Variants in BTC observed in about 807,000 individuals in gnomAD.
BTC encodes betacellulin, also known as probetacellulin.
Under a neutral mutation model 18.1 loss-of-function variants are expected in BTC, and 13 were observed. The observed-to-expected ratio is 0.72, with a 90% CI of 0.47 to 1.14. The LOEUF (loss-of-function observed/expected upper bound fraction) is 1.14. Ranked by LOEUF, BTC falls within the 50% of genes most tolerant of loss-of-function variation. The pLI is 0.00. For synonymous variants in BTC, 83 were observed against 79.4 expected, an observed-to-expected ratio of 1.05 and a Z score of -0.24; for missense variants, 247 against 224.2, an observed-to-expected ratio of 1.10 and a Z score of -0.65.
At chr4:74,782,800 G>A (rs2109914897) in intron 1 of BTC, among the ~76,000 whole-genome samples, 1 of 152,232 alleles carries the variant, frequency 6.6e-6, no homozygotes, top group East Asian at 1.9e-4. Flanking sequence ...AATCTGACTG[G>A]TGTGAAAATG....
rs1486707544 is a variant in BTC at position 74,750,713 on chromosome 4, A to G, written c.288T>C (p.Asp96=). The G allele has an allele frequency of 1.9e-6, 3 of 1,613,170 alleles. No individual in the cohort carries two copies. The highest frequency in any genetic ancestry group is 1.7e-5 in the Admixed American group (1 of 59,770). The change falls in exon 4 of 6, where the codon GAT becomes GAC. Residue 96 remains aspartate, a synonymous_variant. Coordinates refer to ENST00000395743, the MANE Select transcript of BTC (RefSeq NM_001729.4). ...VAEQTPSCVC[D]EGYIGARCER... ...CACACCTTGCTCCAATGTAGCCTTC[A>G]TCACAGCTATAAAACAAGACGAGGG...
intron 1 of BTC, among the ~76,000 whole-genome samples, chr4:74,773,508 T>C (rs1464537772): frequency 3.9e-5 from 6 of 152,178 alleles, no homozygotes; most frequent in African/African-American, 1.4e-4. Flanking sequence ...TTAAGCATGA[T>C]GTATTTGACA....
intron 1 of BTC, among the ~76,000 whole-genome samples, chr4:74,773,243 C>T (rs1217186339): frequency 1.3e-5 from 2 of 152,108 alleles, no homozygotes; most frequent in South Asian, 2.1e-4. Context: ...GAAGGTCTCG[C>T]AAGACAGATC....
intron 3 of BTC, among the ~76,000 whole-genome samples, chr4:74,751,097 G>A (rs1724447906): frequency 6.6e-6 from 1 of 152,106 alleles, no homozygotes; most frequent in African/African-American, 2.4e-5. Flanking sequence ...TTCATCACAG[G>A]ATAATGCAAA....
In BTC at chr4:74,768,029, G is replaced by A. The variant is rs190825927; in HGVS notation, c.163+2029C>T. ...GGTGACAAAAGCAAAATAAACAAGTGGGACTATGTCAAATGAAAAAGCTTC... is the reference window on the plus strand; with the variant it reads ...GGTGACAAAAGCAAAATAAACAAGTAGGACTATGTCAAATGAAAAAGCTTC... On this transcript the variant is annotated intron_variant, in intron 2 of 5. Transcript: ENST00000395743. Among the ~76,000 whole-genome samples, 3 of 152,128 alleles carry A rather than the reference G, an allele frequency of 2.0e-5. No individual in the cohort carries two copies. The East Asian group carries it at 5.8e-4, about 29-fold the overall frequency.
chr4:74,784,427 C>A (rs1725423250), intron 1 of BTC, among the ~76,000 whole-genome samples: 1 of 151,830 alleles, frequency 6.6e-6, no homozygotes, highest in Non-Finnish European at 1.5e-5. Context: ...CTCTTTATTT[C>A]TTTCTCTTTC....
intron 4 of BTC, among the ~76,000 whole-genome samples, chr4:74,749,483 A>ATAAAT (rs1553955857): frequency 4.2e-5 from 6 of 143,666 alleles, no homozygotes; most frequent in African/African-American, 1.3e-4. Context: ...ACTCTGTCTC[A>ATAAAT]AAATAAATAA....
intron 1 of BTC, among the ~76,000 whole-genome samples, chr4:74,778,641 A>C (rs1174461494): frequency 1.3e-5 from 2 of 152,178 alleles, no homozygotes; most frequent in Non-Finnish European, 2.9e-5. Flanking sequence ...GGAAGAATGT[A>C]TCAGACCCAA....
intron 2 of BTC, among the ~76,000 whole-genome samples, chr4:74,768,532 T>A (rs1398018969): frequency 6.6e-6 from 1 of 152,152 alleles, no homozygotes; most frequent in East Asian, 1.9e-4. Flanking sequence ...TGAATGCCTC[T>A]ACTTATATGA....
chr4:74,755,823 A>G, intron 3 of BTC, 36 bp downstream of exon 3: 1 of 1,588,374 alleles, frequency 6.3e-7, no homozygotes, highest in Non-Finnish European at 8.6e-7. Flanking sequence ...ACCATTCTGC[A>G]CCCTTTTGCT....
chr4:74,777,786 A>C (rs973121254), intron 1 of BTC, among the ~76,000 whole-genome samples: 1 of 150,696 alleles, frequency 6.6e-6, no homozygotes, highest in Non-Finnish European at 1.5e-5. Flanking sequence ...CAATAATACA[A>C]ATATAGCTGA....
chr4:74,781,735 A>G (rs1435200935), intron 1 of BTC, among the ~76,000 whole-genome samples: 2 of 152,076 alleles, frequency 1.3e-5, no homozygotes, highest in Non-Finnish European at 2.9e-5. Context: ...ATATAACAAA[A>G]AATTTATTAT....
chr4:74,775,398 A>G (rs1004120350), intron 1 of BTC, among the ~76,000 whole-genome samples: 1 of 152,218 alleles, frequency 6.6e-6, no homozygotes, highest in South Asian at 2.1e-4. Context: ...ATTTTAAAGA[A>G]GATGAAGGAA....
chr4:74,768,720 G>A (rs895621163), intron 2 of BTC, among the ~76,000 whole-genome samples: 10 of 152,000 alleles, frequency 6.6e-5, no homozygotes, highest in Admixed American at 1.3e-4. Flanking sequence ...TTTGTTAAAA[G>A]GGTAGATTTC....
At chr4:74,790,878 AG>A (rs1725606101) in intron 1 of BTC, among the ~76,000 whole-genome samples, 1 of 152,234 alleles carries the variant, frequency 6.6e-6, no homozygotes, top group African/African-American at 2.4e-5. Context: ...AGCCAGAGCC[AG>A]GGATGGCACA....
Position 74,792,243 on chromosome 4 carries a change from G to A in BTC, c.64+2019C>T, listed in dbSNP as rs146675058. Reference sequence around the variant, plus strand: ...TCCCAAGCCAATCATTTAACAGGGCGGTTGTACATTTAGGTTACCCTGAGT... The same window carrying A: ...TCCCAAGCCAATCATTTAACAGGGCAGTTGTACATTTAGGTTACCCTGAGT... On this transcript the variant is annotated intron_variant, in intron 1 of 5. Transcript: ENST00000395743. Among the ~76,000 whole-genome samples the A allele has an allele frequency of 7.6e-4, 115 of 152,188 alleles. 1 individual carries two copies. The highest frequency in any genetic ancestry group is 2.6e-3 in the African/African-American group (108 of 41,524).
intron 1 of BTC, among the ~76,000 whole-genome samples, chr4:74,784,631 C>T (rs775705267): frequency 7.2e-5 from 11 of 151,982 alleles, no homozygotes; most frequent in African/African-American, 1.2e-4. Context: ...GTTTTTAACA[C>T]GAAGGGATGT....
At chr4:74,753,240 T>C (rs1168338699) in intron 3 of BTC, among the ~76,000 whole-genome samples, 8 of 152,188 alleles carry the variant, frequency 5.3e-5, no homozygotes, top group Non-Finnish European at 1.2e-4. Flanking sequence ...AAATTGGGCG[T>C]TGGGATCACT....
chr4:74,750,715 C>T lies in BTC; in HGVS notation c.286G>A (p.Asp96Asn). 3.1e-6 allele frequency: 5 copies of T among 1,613,028 alleles called. No individual in the cohort carries two copies. The highest frequency in any genetic ancestry group is 4.2e-6 in the Non-Finnish European group (5 of 1,179,734). The change falls in exon 4 of 6, where the codon GAT (aspartate) becomes AAT (asparagine). Residue 96 changes from aspartate (D) to asparagine (N), a missense_variant. Transcript: ENST00000395743. ...VAEQTPSCVC[D>N]EGYIGARCER... ...CACCTTGCTCCAATGTAGCCTTCATCACAGCTATAAAACAAGACGAGGGCA... is the reference window on the plus strand; with the variant it reads ...CACCTTGCTCCAATGTAGCCTTCATTACAGCTATAAAACAAGACGAGGGCA...
Sources: allele counts gnomAD v4.1 joint callset (sites outside exome capture counted in the v4.1 genomes callset), GRCh38; gene constraint gnomAD v4.1.1; transcripts MANE v1.5; gene names NCBI Gene and HGNC (gene_info 2026-07-23, HGNC 2026-07-21).